PIGU: variants seen among roughly 807,000 people sequenced by gnomAD.
PIGU encodes phosphatidylinositol glycan anchor biosynthesis class U.
In PIGU, 24 loss-of-function variants were observed where a neutral mutation model predicts 49.9. The ratio of observed to expected loss-of-function variants is 0.48; its 90% CI spans 0.35 to 0.68. The LOEUF (loss-of-function observed/expected upper bound fraction) is 0.68, where lower values mean the gene tolerates loss of function less well. PIGU is among the 30% of genes least tolerant of loss of function. The pLI, the probability that PIGU is intolerant of heterozygous loss-of-function variation, is 0.01. For missense variants in PIGU, 490 were observed against 532.6 expected (o/e 0.92, Z 0.79); for synonymous variants, 220 against 205.7 (o/e 1.07, Z -0.59).
intron 8 of PIGU, among the ~76,000 whole-genome samples, chr20:34,587,709 G>A (rs1983758884): frequency 6.6e-6 from 1 of 152,122 alleles, no homozygotes; most frequent in African/African-American, 2.4e-5. Flanking sequence ...GAGCGTAATT[G>A]TTTTAGAGTC....
At chr20:34,624,789 G>C (rs570141534) in intron 6 of PIGU, among the ~76,000 whole-genome samples, 158 of 152,256 alleles carry the variant, frequency 1.0e-3, no homozygotes, top group Non-Finnish European at 1.9e-3. Flanking sequence ...GTGTTCCCCA[G>C]CCAACACTAC....
intron 7 of PIGU, among the ~76,000 whole-genome samples, chr20:34,604,718 T>C (rs2037017007): frequency 2.0e-5 from 3 of 152,146 alleles, no homozygotes; most frequent in Non-Finnish European, 4.4e-5. Context: ...AAATAACTGA[T>C]TGAGTTTGGC....
chr20:34,601,370 C>T (rs1002944796), intron 7 of PIGU, among the ~76,000 whole-genome samples: 3 of 152,148 alleles, frequency 2.0e-5, no homozygotes, highest in Non-Finnish European at 2.9e-5. Context: ...AAAAACTGAA[C>T]TTGCACTTAA....
In PIGU at chr20:34,581,638, C is replaced by T. The variant is rs770007424; in HGVS notation, c.961G>A (p.Ala321Thr). Residue 321 changes from alanine to threonine, a missense_variant, in exon 10 of 12, where the codon GCT becomes ACT. Physicochemically the swap from Ala to Thr is moderately conservative, Grantham distance 58. Transcript: ENST00000217446. ...TAGGACTTAAAGATGGCGATGACAG[C>T]GATCTGGATAAACATGAAGAAGATG... is the stretch of plus-strand genomic sequence containing the variant. ...HPIFFMFIQI[A>T]VIAIFKSYPT... is the part of the protein sequence containing the mutation. The T allele has an allele frequency of 6.8e-6, 11 of 1,613,714 alleles. No individual in the cohort carries two copies. Among genetic ancestry groups the T allele is most frequent in the African/African-American group, 6.7e-5 (5 of 74,886 alleles).
At chr20:34,634,549 C>G in intron 6 of PIGU, 66 bp downstream of exon 6, 1 of 1,500,662 alleles carries the variant, frequency 6.7e-7, no homozygotes, top group Non-Finnish European at 8.9e-7. Flanking sequence ...AAAACCACAG[C>G]ACAAGTGTTG....
chr20:34,579,908 G>A (rs1983391977), intron 10 of PIGU, among the ~76,000 whole-genome samples: 3 of 152,148 alleles, frequency 2.0e-5, no homozygotes, highest in Admixed American at 2.0e-4. Flanking sequence ...TATTACTCAC[G>A]ATACTAACTG....
rs1438720241 is a variant in PIGU at position 34,652,094 on chromosome 20, G to T, written c.195+5086C>A. Reference sequence around the variant, plus strand: ...GGCTCACTGCAGCTTAGACCTTCCAGGATCAAGCGATCCTCCTACCTCAGC... The same window carrying T: ...GGCTCACTGCAGCTTAGACCTTCCATGATCAAGCGATCCTCCTACCTCAGC... On this transcript the variant is annotated intron_variant, in intron 2 of 11. Coordinates refer to ENST00000217446, the MANE Select transcript of PIGU (RefSeq NM_080476.5). 2.6e-5 allele frequency among the ~76,000 whole-genome samples: 4 copies of T among 152,132 alleles called. No homozygotes were observed. In the East Asian group the frequency reaches 7.7e-4, roughly 29 times the overall value.
At chr20:34,670,824 T>G (rs1364529918) in intron 1 of PIGU, among the ~76,000 whole-genome samples, 1 of 152,028 alleles carries the variant, frequency 6.6e-6, no homozygotes, top group Non-Finnish European at 1.5e-5. Context: ...GATTACAGGC[T>G]TGAGCCACCA....
chr20:34,592,427 GAAT>G (rs1984027885), intron 7 of PIGU, among the ~76,000 whole-genome samples: 1 of 85,914 alleles, frequency 1.2e-5, no homozygotes, highest in Non-Finnish European at 2.5e-5. Flanking sequence ...TTTCTAATAA[GAAT>G]AATTAAGAAA....
At chr20:34,635,597 C>T (rs1053289020) in intron 5 of PIGU, among the ~76,000 whole-genome samples, 14 of 152,162 alleles carry the variant, frequency 9.2e-5, no homozygotes, top group African/African-American at 3.1e-4. Context: ...GAGAACAAGC[C>T]GGGAGCAGTG....
chr20:34,659,344 G>T (rs1474329374), intron 1 of PIGU, among the ~76,000 whole-genome samples: 1 of 147,540 alleles, frequency 6.8e-6, no homozygotes, highest in Non-Finnish European at 1.5e-5. Flanking sequence ...CGTCCGGGAG[G>T]TGAGGGGCGC....
intron 6 of PIGU, among the ~76,000 whole-genome samples, chr20:34,632,615 T>C (rs931756652): frequency 2.0e-5 from 3 of 152,150 alleles, no homozygotes; most frequent in South Asian, 4.1e-4. Context: ...TCTACCTGCC[T>C]TGGCCTCCCA....
intron 2 of PIGU, among the ~76,000 whole-genome samples, chr20:34,648,594 G>A (rs1260368645): frequency 1.3e-5 from 2 of 152,086 alleles, no homozygotes; most frequent in African/African-American, 4.8e-5. Flanking sequence ...TGTCGGCCAG[G>A]CAGGAGTGCA....
At chr20:34,589,848 G>A (rs1371381830) in intron 7 of PIGU, among the ~76,000 whole-genome samples, 4 of 151,162 alleles carry the variant, frequency 2.6e-5, no homozygotes, top group Non-Finnish European at 5.9e-5. Flanking sequence ...TAGAGACAGG[G>A]TTTCACCATG....
In PIGU at chr20:34,586,764, C is replaced by T. The variant is rs563438884; in HGVS notation, c.783-1184G>A. On this transcript the variant is annotated intron_variant, in intron 8 of 11. Transcript: ENST00000217446. Reference sequence around the variant, plus strand: ...ATTTGAGTTTTCCCTCAAGGTTTGACGTGTGGCAGGTGGCATTATTTTCAA... The same window carrying T: ...ATTTGAGTTTTCCCTCAAGGTTTGATGTGTGGCAGGTGGCATTATTTTCAA... Among the ~76,000 whole-genome samples, 9 of 152,268 alleles carry T rather than the reference C, an allele frequency of 5.9e-5. No individual in the cohort carries two copies. The South Asian group carries it at 1.5e-3, about 25-fold the overall frequency.
chr20:34,667,815 T>C (rs1987150651), intron 1 of PIGU, among the ~76,000 whole-genome samples: 1 of 152,076 alleles, frequency 6.6e-6, no homozygotes. Flanking sequence ...TTTGCAGAGC[T>C]CCAAAGAATA....
chr20:34,634,224 A>C (rs1301694680), intron 6 of PIGU, among the ~76,000 whole-genome samples: 1 of 152,074 alleles, frequency 6.6e-6, no homozygotes, highest in Admixed American at 6.6e-5. Context: ...GGTACATGCC[A>C]CTGTGCCAGG....
rs1986260141 is a variant in PIGU, at chr20:34,644,238, A to T, written c.256-12T>A. The T allele has an allele frequency of 1.9e-6, 3 of 1,594,226 alleles. No homozygotes were observed. Among genetic ancestry groups the T allele is most frequent in the Non-Finnish European group, 1.7e-6 (2 of 1,162,416 alleles). On this transcript the variant is annotated splice_polypyrimidine_tract_variant and intron_variant, in intron 3 of 11. Transcript: ENST00000217446. ...AGTGCATCAGTTATCTGTCAAAAGA[A>T]AGAGAAATAATAGGAAATGGAACAC...
chr20:34,571,125 G>A lies in PIGU; in HGVS notation c.1194+3979C>T, dbSNP rs189067949. 1.6e-3 allele frequency among the ~76,000 whole-genome samples: 249 copies of A among 152,270 alleles called. 2 individuals are homozygous for A. Among genetic ancestry groups the A allele is most frequent in the Non-Finnish European group, 2.8e-3 (190 of 68,010 alleles). ...GAAGTTAAATCACTTGAGGAAGTGG[G>A]GGAGGCCCTCAAGAAATCCACTGGT... is the stretch of plus-strand genomic sequence containing the variant. On this transcript the variant is annotated intron_variant, in intron 11 of 11. Transcript: ENST00000217446.
Sources: gnomAD v4.1 joint callset for allele counts (sites outside exome capture counted in the v4.1 genomes callset) on GRCh38, gnomAD v4.1.1 for gene constraint, MANE v1.5 for transcripts, NCBI Gene and HGNC (gene_info 2026-07-23, HGNC 2026-07-21) for gene names.